Variants in LOC728743 observed in about 807,000 individuals in gnomAD.
the LOC728743 span, among the ~76,000 whole-genome samples, chr7:150,404,329 T>G: frequency 6.6e-6 from 1 of 152,188 alleles, no homozygotes; most frequent in Non-Finnish European, 1.5e-5. Context: ...CACACACTAT[T>G]TATGTCTGAG....
the LOC728743 span, among the ~76,000 whole-genome samples, chr7:150,402,681 TC>T: frequency 6.6e-6 from 1 of 152,116 alleles, no homozygotes; most frequent in African/African-American, 2.4e-5. Context: ...TGCTGTCCAG[TC>T]CTGGGAGATG....
the LOC728743 span, among the ~76,000 whole-genome samples, chr7:150,409,982 G>A: frequency 2.6e-5 from 4 of 152,208 alleles, no homozygotes; most frequent in Non-Finnish European, 5.9e-5. Context: ...TGTCTCATCT[G>A]TAAATGGGAT....
the LOC728743 span, chr7:150,410,534 A>G: frequency 3.9e-6 from 1 of 257,750 alleles, no homozygotes; most frequent in East Asian, 6.8e-5. Flanking sequence ...GAGTTCAGAG[A>G]CAGGAAGTGA....
At chr7:150,401,738 C>T in the LOC728743 span, among the ~76,000 whole-genome samples, 1 of 152,190 alleles carries the variant, frequency 6.6e-6, no homozygotes, top group Non-Finnish European at 1.5e-5. Flanking sequence ...CGCTCTATTT[C>T]TGTGCTGTCC....
chr7:150,410,628 G>A, the LOC728743 span: 1 of 151,234 alleles, frequency 6.6e-6, no homozygotes, highest in South Asian at 2.4e-4. Context: ...AAACCTGCAG[G>A]CTTCATTTTC....
the LOC728743 span, among the ~76,000 whole-genome samples, chr7:150,406,349 G>T: frequency 1.3e-5 from 2 of 152,196 alleles, no homozygotes; most frequent in East Asian, 1.9e-4. Context: ...TTTGGTGGGG[G>T]TCGTGGGAGT....
the LOC728743 span, among the ~76,000 whole-genome samples, chr7:150,403,982 T>G: frequency 2.6e-5 from 4 of 152,168 alleles, no homozygotes; most frequent in Admixed American, 2.6e-4. The surrounding 1 kb of genome is among the most constrained non-coding windows in gnomAD (Gnocchi z 5.1). Context: ...GTTCCCAGGC[T>G]CCAGAAGGCA....
chr7:150,401,673 G>A, the LOC728743 span, among the ~76,000 whole-genome samples: 1 of 152,180 alleles, frequency 6.6e-6, no homozygotes, highest in Non-Finnish European at 1.5e-5. Context: ...GACTGGATTT[G>A]GAGGAGGTGT....
At chr7:150,403,707 G>C in the LOC728743 span, among the ~76,000 whole-genome samples, 1 of 152,162 alleles carries the variant, frequency 6.6e-6, no homozygotes. This position sits in a 1 kb window ranked among gnomAD's most constrained non-coding sequence, Gnocchi z 5.1. Context: ...CGTTGTCTCT[G>C]TTTAAAATGC....
the LOC728743 span, chr7:150,410,145 T>C: frequency 2.5e-6 from 1 of 398,520 alleles, no homozygotes; most frequent in African/African-American, 2.1e-5. Flanking sequence ...CTGATCTCTT[T>C]GTTTCTGTCG....
At chr7:150,409,082 G>A in the LOC728743 span, among the ~76,000 whole-genome samples, 1 of 147,444 alleles carries the variant, frequency 6.8e-6, no homozygotes, top group Non-Finnish European at 1.5e-5. Flanking sequence ...TTTGAACCAG[G>A]TCATGGGGAC....
At chr7:150,409,683 G>A in the LOC728743 span, among the ~76,000 whole-genome samples, 2 of 152,106 alleles carry the variant, frequency 1.3e-5, no homozygotes, top group Non-Finnish European at 2.9e-5. Flanking sequence ...GGGTGTTAGG[G>A]GTGGTACGGG....
At chr7:150,405,357 G>A in the LOC728743 span, 3 of 152,238 alleles carry the variant, frequency 2.0e-5, no homozygotes, top group East Asian at 1.9e-4. Context: ...GCGGCGGGAG[G>A]TTACCGTATT....
the LOC728743 span, chr7:150,412,371 T>C: frequency 6.6e-6 from 1 of 152,282 alleles, no homozygotes; most frequent in Non-Finnish European, 1.5e-5. Flanking sequence ...ACCCCGGCTC[T>C]GCAGGAGTGC....
the LOC728743 span, among the ~76,000 whole-genome samples, chr7:150,408,850 AG>A: frequency 2.6e-5 from 4 of 152,128 alleles, no homozygotes; most frequent in Admixed American, 1.3e-4. Flanking sequence ...TGGATGAGAG[AG>A]GGTGAGGTCA....
At chr7:150,407,653 G>A in the LOC728743 span, 1 of 399,184 alleles carries the variant, frequency 2.5e-6, no homozygotes. Context: ...CCCCTGCGGG[G>A]GACGGGGAGG....
chr7:150,407,095 G>T, the LOC728743 span, among the ~76,000 whole-genome samples: 1 of 152,156 alleles, frequency 6.6e-6, no homozygotes, highest in African/African-American at 2.4e-5. Context: ...CTAGACGAAG[G>T]TAACTGAAAA....
chr7:150,410,159 G>A, the LOC728743 span: 1 of 398,682 alleles, frequency 2.5e-6, no homozygotes, highest in African/African-American at 2.1e-5. Flanking sequence ...TCTGTCGACA[G>A]TTGCAGAGTG....
At chr7:150,408,426 G>A in the LOC728743 span, 12 of 352,760 alleles carry the variant, frequency 3.4e-5, no homozygotes, top group African/African-American at 2.1e-4. Flanking sequence ...CTGGCTGGCT[G>A]CGCACAGCTG....
Sources: allele counts gnomAD v4.1 joint callset (sites outside exome capture counted in the v4.1 genomes callset), GRCh38; gene constraint gnomAD v4.1.1; non-coding constraint Gnocchi (gnomAD v3.1); transcripts MANE v1.5.